The following STAG1 variants were observed in gnomAD, a reference collection of about 807,000 sequenced individuals.
STAG1 encodes cohesin subunit SA-1.
Under a neutral mutation model 170.9 loss-of-function variants are expected in STAG1, and 26 were observed. The ratio of observed to expected loss-of-function variants is 0.15; its 90% confidence interval spans 0.11 to 0.21. The LOEUF is 0.21. Ranked by LOEUF, STAG1 falls within the 10% of genes least tolerant of loss-of-function variation. The probability of loss-of-function intolerance (pLI) is 1.00; values close to 1 mark genes in which losing one functional copy is unlikely to be tolerated. For synonymous variants in STAG1, 514 were observed against 497.7 expected (o/e 1.03, Z -0.44); for missense variants, 964 against 1,509.5 (o/e 0.64, Z 5.99).
intron 6 of STAG1, among the ~76,000 whole-genome samples, chr3:136,524,091 C>T (rs555056699): frequency 9.3e-5 from 14 of 150,290 alleles, no homozygotes; most frequent in Admixed American, 2.0e-4. Context: ...CTTTTTTGGT[C>T]CCATATGAAC....
chr3:136,541,580 A>ACACACACACACACACACACACACACACC, intron 6 of STAG1, among the ~76,000 whole-genome samples: 1 of 150,784 alleles, frequency 6.6e-6, no homozygotes. Context: ...ACACACACAC[A>ACACACACACACACACACACACACACACC]CACACCAGGG....
intron 1 of STAG1, among the ~76,000 whole-genome samples, chr3:136,652,008 C>T (rs1395550475): frequency 6.6e-6 from 1 of 152,164 alleles, no homozygotes; most frequent in African/African-American, 2.4e-5. Flanking sequence ...ACCAGGAAAA[C>T]ATCACAGCAG....
chr3:136,337,870 ATAAAGT>A lies in STAG1; in HGVS notation c.*378_*383del, dbSNP rs902382602. On this transcript the variant is annotated 3_prime_UTR_variant, in exon 34 of 34. Coordinates refer to ENST00000383202, the MANE Select transcript of STAG1 (RefSeq NM_005862.3). ...GGTTTTTAAATTGTACAACAGGAAAATAAAGTTAAAAATATGTTTTTTTTTACTCAA... is the reference window on the plus strand; with the variant it reads ...GGTTTTTAAATTGTACAACAGGAAAATAAAAATATGTTTTTTTTTACTCAA... 1.2e-5 allele frequency: 2 copies of A among 166,064 alleles called. No individual in the cohort carries two copies. The highest frequency in any genetic ancestry group is 4.7e-5 in the African/African-American group (2 of 42,158). 10.3% of individuals were successfully genotyped at this position (166,064 alleles called of 1,614,324 possible).
intron 1 of STAG1, among the ~76,000 whole-genome samples, chr3:136,722,563 G>T (rs539932604): frequency 3.3e-5 from 5 of 152,038 alleles, no homozygotes; most frequent in Non-Finnish European, 7.4e-5. Flanking sequence ...GAACAAAGGA[G>T]AATTACTGGG....
chr3:136,560,508 A>G (rs1936798260), intron 5 of STAG1, among the ~76,000 whole-genome samples: 1 of 152,202 alleles, frequency 6.6e-6, no homozygotes, highest in Admixed American at 6.5e-5. Context: ...AACACTTATG[A>G]ATTTACATAG....
intron 21 of STAG1, among the ~76,000 whole-genome samples, chr3:136,414,089 TTGCTTGAAATGTTGATGGC>T (rs2087705545): frequency 1.3e-5 from 2 of 152,360 alleles, no homozygotes; most frequent in African/African-American, 4.8e-5. Flanking sequence ...GTGGAGGGTC[TTGCTTGAAATGTTGATGGC>T]TGCTGACTTA....
intron 14 of STAG1, among the ~76,000 whole-genome samples, chr3:136,443,824 C>A (rs181693841): frequency 6.6e-6 from 1 of 152,238 alleles, no homozygotes; most frequent in Admixed American, 6.5e-5. Flanking sequence ...ACCAGCTGTA[C>A]TTACTTCACA....
At chr3:136,370,050 AC>A (rs1937239865) in intron 23 of STAG1, among the ~76,000 whole-genome samples, 1 of 128 alleles carries the variant, frequency 7.8e-3, no homozygotes, top group African/African-American at 0.016. Context: ...GTATGTATTT[AC>A]TATACTATAC....
intron 20 of STAG1, among the ~76,000 whole-genome samples, chr3:136,418,908 T>C (rs1010318976): frequency 2.6e-5 from 4 of 152,198 alleles, no homozygotes; most frequent in Non-Finnish European, 5.9e-5. Context: ...CCCAAAGTGC[T>C]GGGATTATAG....
intron 9 of STAG1, among the ~76,000 whole-genome samples, chr3:136,478,643 G>A (rs1028883092): frequency 1.3e-5 from 2 of 151,992 alleles, no homozygotes; most frequent in African/African-American, 4.8e-5. Flanking sequence ...TTTCTCTTTG[G>A]TGACAAAATT....
chr3:136,718,045 C>G (rs1479939200), intron 1 of STAG1, among the ~76,000 whole-genome samples: 1 of 152,164 alleles, frequency 6.6e-6, no homozygotes, highest in Non-Finnish European at 1.5e-5. Context: ...AACATATACA[C>G]ACACAGACTC....
chr3:136,752,018 C>T (rs1312825951), intron 1 of STAG1, among the ~76,000 whole-genome samples, 177 bp downstream of exon 1: 4 of 150,936 alleles, frequency 2.7e-5, no homozygotes, highest in African/African-American at 9.7e-5. Context: ...CCCGCACAGG[C>T]CCGCGCGGCC....
chr3:136,590,024 G>C (rs1003087645), intron 4 of STAG1, among the ~76,000 whole-genome samples: 1 of 151,936 alleles, frequency 6.6e-6, no homozygotes, highest in African/African-American at 2.4e-5. Context: ...TAGGAAAGCT[G>C]AGGCAGGAGA....
intron 3 of STAG1, among the ~76,000 whole-genome samples, chr3:136,612,170 T>C (rs1012294806): frequency 6.6e-6 from 1 of 152,166 alleles, no homozygotes; most frequent in Non-Finnish European, 1.5e-5. Flanking sequence ...TTTATATGGC[T>C]ATATGTTCGG....
At chr3:136,545,426 C>T (rs1030444563) in intron 5 of STAG1, among the ~76,000 whole-genome samples, 6 of 151,980 alleles carry the variant, frequency 3.9e-5, no homozygotes, top group African/African-American at 1.2e-4. Flanking sequence ...TAAATCAAGA[C>T]TAGACATAAA....
At chr3:136,733,364 G>T (rs963177890) in intron 1 of STAG1, among the ~76,000 whole-genome samples, 1 of 152,096 alleles carries the variant, frequency 6.6e-6, no homozygotes, top group Non-Finnish European at 1.5e-5. Context: ...GGGATTACAG[G>T]CATGAGCTAC....
chr3:136,437,931 A>G (rs1184260574), intron 15 of STAG1, among the ~76,000 whole-genome samples: 1 of 152,170 alleles, frequency 6.6e-6, no homozygotes, highest in Admixed American at 6.5e-5. Flanking sequence ...ATTTTTCCAA[A>G]CAATGTTTAT....
At chr3:136,466,575 C>T (rs1272708449) in intron 12 of STAG1, among the ~76,000 whole-genome samples, 1 of 152,170 alleles carries the variant, frequency 6.6e-6, no homozygotes, top group African/African-American at 2.4e-5. Context: ...TTGGAAAACA[C>T]TCTGCAGGAT....
intron 28 of STAG1, among the ~76,000 whole-genome samples, chr3:136,354,036 A>G (rs755465492): frequency 1.3e-5 from 2 of 152,238 alleles, no homozygotes; most frequent in South Asian, 2.1e-4. Flanking sequence ...ATCCACAGGA[A>G]GAAATGAAGA....
Sources: gnomAD v4.1 joint callset for allele counts (sites outside exome capture counted in the v4.1 genomes callset) on GRCh38, gnomAD v4.1.1 for gene constraint, MANE v1.5 for transcripts, NCBI Gene and HGNC (gene_info 2026-07-23, HGNC 2026-07-21) for gene names.